AGBL4: variants seen among roughly 807,000 people sequenced by gnomAD.
AGBL4 encodes the protein AGBL carboxypeptidase 4.
In AGBL4, 58 loss-of-function variants were observed where a neutral mutation model predicts 66.4. The observed-to-expected ratio is 0.87, with a 90% CI of 0.71 to 1.09. AGBL4 has a LOEUF of 1.09. Ranked by LOEUF, AGBL4 falls within the 50% of genes least tolerant of loss-of-function variation. The pLI is 0.00. For synonymous variants in AGBL4, 234 were observed against 222.9 expected (o/e 1.05, Z -0.44); for missense variants, 579 against 631.0 (o/e 0.92, Z 0.88).
chr1:49,045,361 C>G (rs779253133), intron 5 of AGBL4, among the ~76,000 whole-genome samples: 8 of 152,098 alleles, frequency 5.3e-5, no homozygotes, highest in Admixed American at 1.3e-4. Context: ...TCTGTGACTT[C>G]CTGGTGCCCA....
intron 1 of AGBL4, among the ~76,000 whole-genome samples, chr1:49,883,855 C>A (rs1462463841): frequency 6.6e-6 from 1 of 151,888 alleles, no homozygotes; most frequent in Non-Finnish European, 1.5e-5. Flanking sequence ...AAAACTAAGC[C>A]TGCAGTGTTA....
At chr1:49,526,060 C>T (rs1168402704) in intron 3 of AGBL4, among the ~76,000 whole-genome samples, 1 of 151,844 alleles carries the variant, frequency 6.6e-6, no homozygotes, top group Non-Finnish European at 1.5e-5. Flanking sequence ...CACCACTGCA[C>T]TCCAGCCTGG....
At chr1:48,761,349 A>G in intron 6 of AGBL4, 4 of 1,551,900 alleles carry the variant, frequency 2.6e-6, no homozygotes, top group Non-Finnish European at 3.5e-6. Flanking sequence ...TGATGTGTCT[A>G]AGCTGTAAAT....
chr1:49,087,279 T>A (rs566328055), intron 4 of AGBL4, among the ~76,000 whole-genome samples: 2 of 152,208 alleles, frequency 1.3e-5, no homozygotes, highest in Admixed American at 1.3e-4. Flanking sequence ...AGAATATGGA[T>A]AGGAATGAAG....
intron 1 of AGBL4, among the ~76,000 whole-genome samples, chr1:49,922,456 G>A (rs1378766848): frequency 6.6e-6 from 1 of 152,128 alleles, no homozygotes; most frequent in Admixed American, 6.6e-5. Context: ...CCTCGCCAGG[G>A]CAATCGGGAG....
At chr1:49,391,545 C>A (rs1570600764) in intron 3 of AGBL4, among the ~76,000 whole-genome samples, 1 of 143,268 alleles carries the variant, frequency 7.0e-6, no homozygotes, top group African/African-American at 2.6e-5. Context: ...CCAGGATAAC[C>A]ATGAGTTTTT....
chr1:49,371,261 A>G (rs1186017311), intron 3 of AGBL4, among the ~76,000 whole-genome samples: 1 of 151,210 alleles, frequency 6.6e-6, no homozygotes, highest in Admixed American at 6.6e-5. Context: ...ACATACATAC[A>G]TACATACATA....
rs563316352 is a variant in AGBL4 at position 49,105,404 on chromosome 1, C to A, written c.378-59604G>T. On this transcript the variant is annotated intron_variant, in intron 4 of 13. Coordinates refer to ENST00000371839, the MANE Select transcript of AGBL4 (RefSeq NM_032785.4). ...AAGGGTTCTTAGAGATCTGTCCATG[C>A]CCCACCTGTTACAGCTGGGGAAAGT... Among the ~76,000 whole-genome samples the A allele has an allele frequency of 2.6e-5, 4 of 152,258 alleles. No homozygotes were observed. The South Asian group carries it at 8.3e-4, about 32-fold the overall frequency.
At position 49,725,047 on chromosome 1, in the gene AGBL4, G is replaced by C. The variant is rs571627938; in HGVS notation, c.158-27610C>G. On this transcript the variant is annotated intron_variant, in intron 2 of 13. Transcript: ENST00000371839. ...AAGGGATGGGGGAGGGGAGGGAAGAGCAGGAGGGAAGAAAAAGGGAATAAA... is the reference window on the plus strand; with the variant it reads ...AAGGGATGGGGGAGGGGAGGGAAGACCAGGAGGGAAGAAAAAGGGAATAAA... Among the ~76,000 whole-genome samples, 3 of 152,038 alleles carry C rather than the reference G, an allele frequency of 2.0e-5. No individual in the cohort carries two copies. The East Asian group carries it at 5.8e-4, about 29-fold the overall frequency.
intron 11 of AGBL4, among the ~76,000 whole-genome samples, chr1:48,557,975 A>T (rs1359009806): frequency 6.6e-6 from 1 of 152,190 alleles, no homozygotes; most frequent in Non-Finnish European, 1.5e-5. Context: ...CTAGCCTAGT[A>T]CACCATCAAA....
intron 3 of AGBL4, among the ~76,000 whole-genome samples, chr1:49,551,080 T>C (rs1017826061): frequency 6.6e-6 from 1 of 152,188 alleles, no homozygotes; most frequent in Non-Finnish European, 1.5e-5. Context: ...TTCTACTTGT[T>C]CAATTCTATT....
At chr1:49,415,529 G>T (rs1420401151) in intron 3 of AGBL4, among the ~76,000 whole-genome samples, 1 of 152,034 alleles carries the variant, frequency 6.6e-6, no homozygotes, top group Non-Finnish European at 1.5e-5. Context: ...AATTTGGACT[G>T]AAGTGACATT....
chr1:49,520,809 C>CT (rs780615627), intron 3 of AGBL4, among the ~76,000 whole-genome samples: 1,564 of 139,146 alleles, frequency 0.011, 9 homozygotes, highest in African/African-American at 0.013. Flanking sequence ...AGATCACTCA[C>CT]TTTTTTTTTT....
intron 4 of AGBL4, among the ~76,000 whole-genome samples, chr1:49,152,966 A>G (rs1055592731): frequency 3.3e-5 from 5 of 152,166 alleles, no homozygotes; most frequent in African/African-American, 7.2e-5. Context: ...CTGCCTCACA[A>G]TCAGAATGGA....
At chr1:49,127,420 T>A (rs1260659906) in intron 4 of AGBL4, among the ~76,000 whole-genome samples, 1 of 152,088 alleles carries the variant, frequency 6.6e-6, no homozygotes, top group Non-Finnish European at 1.5e-5. Context: ...CACCTGTTCC[T>A]CAAAAACGTA....
At chr1:49,651,447 C>A (rs184959825) in intron 3 of AGBL4, among the ~76,000 whole-genome samples, 7 of 152,126 alleles carry the variant, frequency 4.6e-5, no homozygotes, top group African/African-American at 1.7e-4. Flanking sequence ...AATCTGCTAT[C>A]AGAAGGGCAT....
At chr1:49,590,929 TC>T (rs1243348559) in intron 3 of AGBL4, among the ~76,000 whole-genome samples, 4 of 151,880 alleles carry the variant, frequency 2.6e-5, no homozygotes, top group African/African-American at 9.7e-5. Flanking sequence ...AAAGTGTAAA[TC>T]ACAAGGGATA....
intron 3 of AGBL4, among the ~76,000 whole-genome samples, chr1:49,288,879 TA>T (rs555777726): frequency 2.6e-5 from 4 of 151,424 alleles, no homozygotes; most frequent in Non-Finnish European, 5.9e-5. Context: ...GTCTGCCTGG[TA>T]AAAAAAAATT....
chr1:48,565,959 G>T (rs775749095), intron 11 of AGBL4, among the ~76,000 whole-genome samples: 1 of 152,058 alleles, frequency 6.6e-6, no homozygotes, highest in Non-Finnish European at 1.5e-5. Flanking sequence ...CAATTCTCTC[G>T]AAATCATACT....
Sources: allele counts gnomAD v4.1 joint callset (sites outside exome capture counted in the v4.1 genomes callset), GRCh38; gene constraint gnomAD v4.1.1; transcripts MANE v1.5; gene names NCBI Gene and HGNC (gene_info 2026-07-23, HGNC 2026-07-21).